Variants in CMTR1 observed in about 807,000 individuals in gnomAD.
CMTR1 encodes the protein cap-specific mRNA (nucleoside-2'-O-)-methyltransferase 1.
Under a neutral mutation model 107.0 loss-of-function variants are expected in CMTR1, and 39 were observed. The ratio of observed to expected loss-of-function variants is 0.36; its 90% confidence interval spans 0.28 to 0.48. The LOEUF (loss-of-function observed/expected upper bound fraction) is 0.48. Ranked by LOEUF, CMTR1 falls within the 20% of genes least tolerant of loss-of-function variation. The pLI is 0.99. For synonymous variants in CMTR1, 366 were observed against 379.5 expected (o/e 0.96, Z 0.41); for missense variants, 672 against 1,064.9 (o/e 0.63, Z 5.14).
chr6:37,429,164 A>G (rs1581720287), upstream of CMTR1, among the ~76,000 whole-genome samples: 1 of 150,946 alleles, frequency 6.6e-6, no homozygotes, highest in Non-Finnish European at 1.5e-5. Context: ...GGCTTCCTCC[A>G]CCCCCATCAT....
chr6:37,467,567 CT>C (rs1761533581), intron 13 of CMTR1, among the ~76,000 whole-genome samples: 1 of 152,120 alleles, frequency 6.6e-6, no homozygotes, highest in African/African-American at 2.4e-5. Context: ...TTGTTAAAGT[CT>C]TTAACTATGA....
At chr6:37,430,385 A>ATT (rs1188157474), upstream of CMTR1, among the ~76,000 whole-genome samples, 1 of 140,942 alleles carries the variant, frequency 7.1e-6, no homozygotes, top group African/African-American at 2.5e-5. Flanking sequence ...ATTCTTGGGT[A>ATT]TTTTATATAT....
Position 37,444,172 on chromosome 6 carries a change from G to A in CMTR1, c.285+22G>A, listed in dbSNP as rs1258412174. On this transcript the variant is annotated intron_variant, in intron 3 of 23. Coordinates refer to ENST00000373451, the MANE Select transcript of CMTR1 (RefSeq NM_015050.3). Reference sequence around the variant, plus strand: ...TATGGTATGTCAGCGCTTGGGTTGGGTTTCTCAAGCCCCACCAGCAGAGTG... The same window carrying A: ...TATGGTATGTCAGCGCTTGGGTTGGATTTCTCAAGCCCCACCAGCAGAGTG... 3.1e-6 allele frequency: 5 copies of A among 1,610,790 alleles called. No individual in the cohort carries two copies. In the African/African-American group the frequency reaches 6.7e-5, roughly 22 times the overall value.
intron 13 of CMTR1, among the ~76,000 whole-genome samples, chr6:37,470,441 T>C (rs945223386): frequency 6.6e-6 from 1 of 152,174 alleles, no homozygotes; most frequent in Non-Finnish European, 1.5e-5. Flanking sequence ...CCACCGCGCC[T>C]GGCCGTCATT....
rs1417433362 is a variant in CMTR1, at chr6:37,472,982, C to T, written c.1690-488C>T. Among the ~76,000 whole-genome samples the T allele has an allele frequency of 6.6e-6, 1 of 152,104 alleles. No homozygotes were observed. The highest frequency in any genetic ancestry group is 1.5e-5 in the Non-Finnish European group (1 of 68,028). On this transcript the variant is annotated intron_variant, in intron 16 of 23. Transcript: ENST00000373451. This position sits in a 1 kb window ranked among gnomAD's most constrained non-coding sequence, Gnocchi z 4.1. ...ACTCAACCTCCAGCTTTTACTTGGGCCTCATTTAAATCTGTCCCAGATCAT... is the reference window on the plus strand; with the variant it reads ...ACTCAACCTCCAGCTTTTACTTGGGTCTCATTTAAATCTGTCCCAGATCAT...
intron 17 of CMTR1, 128 bp downstream of exon 17, chr6:37,473,729 T>G (rs1315924106): frequency 8.9e-7 from 1 of 1,126,292 alleles, no homozygotes; most frequent in Non-Finnish European, 1.2e-6. Context: ...TTGACCCTAG[T>G]GAAGGTATTT....
chr6:37,478,073 C>T (rs530317105), intron 21 of CMTR1, among the ~76,000 whole-genome samples: 2 of 152,296 alleles, frequency 1.3e-5, no homozygotes, highest in Non-Finnish European at 2.9e-5. Flanking sequence ...TCTGGGTGTG[C>T]TTATGTAGAG....
chr6:37,431,802 T>C (rs948162615), upstream of CMTR1, among the ~76,000 whole-genome samples: 5 of 152,124 alleles, frequency 3.3e-5, no homozygotes, highest in African/African-American at 1.2e-4. Context: ...TTAAGAGACA[T>C]GGCATGTTTT....
Position 37,478,675 on chromosome 6 carries a change from C to A in CMTR1, c.2266+154C>A, listed in dbSNP as rs150029212. On this transcript the variant is annotated intron_variant, in intron 22 of 23. Coordinates refer to ENST00000373451, the MANE Select transcript of CMTR1 (RefSeq NM_015050.3). ...TTTCTCTGAGGCATATGTTAGGGGA[C>A]AGTGTTCCCTGAGCCTCTTCTGTTC... 4.2e-3 allele frequency among the ~76,000 whole-genome samples: 639 copies of A among 152,272 alleles called. 5 individuals carry two copies. Among genetic ancestry groups the A allele is most frequent in the African/African-American group, 0.014 (563 of 41,552 alleles).
At position 37,481,338 on chromosome 6, in the gene CMTR1, G is replaced by A. The variant is rs1351840950; in HGVS notation, c.*1193G>A. The A allele has an allele frequency of 1.9e-5, 23 of 1,197,480 alleles. No homozygotes were observed. The East Asian group carries it at 1.3e-3, about 69-fold the overall frequency. 74.2% of individuals were successfully genotyped at this position (1,197,480 alleles called of 1,614,324 possible). On this transcript the variant is annotated 3_prime_UTR_variant, in exon 24 of 24. Transcript: ENST00000373451. ...GGTTTCCATGGAGATAGGGCACTGA[G>A]GCTCCCGTGAGGTTGGAATCGACTT...
intron 13 of CMTR1, among the ~76,000 whole-genome samples, chr6:37,465,098 A>G (rs546326564): frequency 6.6e-6 from 1 of 152,078 alleles, no homozygotes; most frequent in East Asian, 1.9e-4. Flanking sequence ...GTGAAACCCC[A>G]TCTCTACTGA....
intron 5 of CMTR1, among the ~76,000 whole-genome samples, chr6:37,451,087 A>G (rs1250741618): frequency 6.6e-6 from 1 of 152,150 alleles, no homozygotes; most frequent in African/African-American, 2.4e-5. Flanking sequence ...TTCTGAAAAT[A>G]TATTTCTGAA....
chr6:37,473,128 A>G (rs1455361802), intron 16 of CMTR1, among the ~76,000 whole-genome samples: 3 of 152,154 alleles, frequency 2.0e-5, no homozygotes, highest in Non-Finnish European at 4.4e-5. Flanking sequence ...ACTGTTCTCA[A>G]ACCAACTGCT....
intron 13 of CMTR1, among the ~76,000 whole-genome samples, chr6:37,468,721 A>G (rs928038219): frequency 4.0e-5 from 6 of 150,872 alleles, no homozygotes; most frequent in African/African-American, 1.5e-4. Context: ...CCGTCTCTAC[A>G]AAAGTACAAA....
rs2113891935 is a variant in CMTR1 at position 37,472,572 on chromosome 6, G to A, written c.1689+85G>A. The A allele has an allele frequency of 7.5e-7, 1 of 1,337,694 alleles. No individual in the cohort carries two copies. Among genetic ancestry groups the A allele is most frequent in the African/African-American group, 1.4e-5 (1 of 69,460 alleles). 82.9% of individuals were successfully genotyped at this position (1,337,694 alleles called of 1,614,324 possible). ...GTATCACTGAGGCCCCAGATGCATGGTCTCCAGAGGGCTTGTGCAGATGCC... is the reference window on the plus strand; with the variant it reads ...GTATCACTGAGGCCCCAGATGCATGATCTCCAGAGGGCTTGTGCAGATGCC... On this transcript the variant is annotated intron_variant, in intron 16 of 23. Transcript: ENST00000373451. This position sits in a 1 kb window ranked among gnomAD's most constrained non-coding sequence, Gnocchi z 4.1.
intron 18 of CMTR1, 91 bp from the exon 19 acceptor site, chr6:37,475,230 A>T: frequency 1.0e-6 from 1 of 983,486 alleles, no homozygotes; most frequent in Non-Finnish European, 1.6e-6. Flanking sequence ...CCCCAGCTGT[A>T]GGCAGAATGG....
intron 4 of CMTR1, among the ~76,000 whole-genome samples, chr6:37,449,613 C>G (rs1771889559): frequency 6.6e-6 from 1 of 152,156 alleles, no homozygotes; most frequent in African/African-American, 2.4e-5. Flanking sequence ...CCAGCTGCAT[C>G]AGTACTCTTT....
In CMTR1 at chr6:37,453,081, G is replaced by T; in HGVS notation, c.644G>T (p.Arg215Leu). The T allele has an allele frequency of 6.2e-7, 1 of 1,614,108 alleles. No individual in the cohort carries two copies. Among genetic ancestry groups the T allele is most frequent in the South Asian group, 1.1e-5 (1 of 91,078 alleles). ...GATGTCTTGGATGGGGAAGAGATGC[G>T]GCGAGCTCGGACTCGGGCCAATCCC... Reference protein sequence around the residue: ...VFDVLDGEEMRRARTRANPYE... With the variant: ...VFDVLDGEEMLRARTRANPYE... The change falls in exon 7 of 24, where the codon CGG (arginine) becomes CTG (leucine). Residue 215 changes from arginine (R) to leucine (L), a missense_variant. This residue lies in a region of CMTR1 where 583 missense variants were observed against 968.4 expected (regional missense o/e 0.60). Transcript: ENST00000373451.
Position 37,472,595 on chromosome 6 carries a change from G to A in CMTR1, c.1689+108G>A. On this transcript the variant is annotated intron_variant, in intron 16 of 23. Coordinates refer to ENST00000373451, the MANE Select transcript of CMTR1 (RefSeq NM_015050.3). This position sits in a 1 kb window ranked among gnomAD's most constrained non-coding sequence, Gnocchi z 4.1. ...TGGTCTCCAGAGGGCTTGTGCAGAT[G>A]CCCACCATGGGCTCTAAGGGGCGGA... 1.8e-6 allele frequency: 2 copies of A among 1,116,106 alleles called. No homozygotes were observed. The highest frequency in any genetic ancestry group is 2.5e-5 in the South Asian group (2 of 78,616). 69.1% of individuals were successfully genotyped at this position (1,116,106 alleles called of 1,614,324 possible).
Sources: allele counts gnomAD v4.1 joint callset (sites outside exome capture counted in the v4.1 genomes callset), GRCh38; gene constraint gnomAD v4.1.1; regional missense constraint gnomAD v4.1.1; non-coding constraint Gnocchi (gnomAD v3.1); transcripts MANE v1.5; gene names NCBI Gene and HGNC (gene_info 2026-07-23, HGNC 2026-07-21).